The following CHIA variants were observed in gnomAD, a reference collection of about 807,000 sequenced individuals.
CHIA encodes chitinase acidic.
A neutral mutation model predicts 53.5 loss-of-function variants in CHIA; 47 were observed. The observed-to-expected ratio is 0.88, with a 90% CI of 0.70 to 1.12. CHIA has a LOEUF of 1.12. CHIA is among the 50% of genes most tolerant of loss of function. The pLI, the probability that CHIA is intolerant of heterozygous loss-of-function variation, is 0.00. For missense variants in CHIA, 652 were observed against 592.2 expected (o/e 1.10, Z -1.05); for synonymous variants, 268 against 222.2 (o/e 1.21, Z -1.83).
At chr1:111,302,824 G>A (rs1647869009) in intron 1 of CHIA, among the ~76,000 whole-genome samples, 1 of 152,018 alleles carries the variant, frequency 6.6e-6, no homozygotes, top group African/African-American at 2.4e-5. Context: ...TGTGGTTGTT[G>A]TATTCATTAC....
At chr1:111,315,475 A>G (rs1398310515) in intron 6 of CHIA, 40 bp downstream of exon 6, 1 of 1,588,980 alleles carries the variant, frequency 6.3e-7, no homozygotes, top group South Asian at 1.1e-5. Flanking sequence ...AAAAAGATTC[A>G]AAGTCTTTCT....
Position 111,317,991 on chromosome 1 carries a change from T to C in CHIA, c.611T>C (p.Leu204Pro). The change falls in exon 8 of 12, where the codon CTG (leucine) becomes CCG (proline). Residue 204 changes from leucine (L) to proline (P), a missense_variant. Physicochemically the swap from Leu to Pro is moderately conservative, Grantham distance 98 (BLOSUM62 -3). Transcript: ENST00000369740. ...GYEIPQLSQY[L>P]DYIHVMTYDL... The stretch of plus-strand genomic sequence containing the variant: ...AATCCTCCACCCCACCTCAGGTACC[T>C]GGACTACATCCATGTCATGACCTAC... 4 of 1,614,194 alleles carry C rather than the reference T, an allele frequency of 2.5e-6. No individual in the cohort carries two copies. The highest frequency in any genetic ancestry group is 3.4e-6 in the Non-Finnish European group (4 of 1,180,024).
intron 6 of CHIA, 41 bp from the exon 7 acceptor site, chr1:111,317,640 T>C (rs774415579): frequency 6.0e-5 from 96 of 1,610,586 alleles, no homozygotes; most frequent in Admixed American, 2.8e-4. Flanking sequence ...GGAGCTAAAA[T>C]CAGCATCATA....
chr1:111,307,223 T>C (rs1027687643), intron 1 of CHIA, among the ~76,000 whole-genome samples: 1 of 152,014 alleles, frequency 6.6e-6, no homozygotes, highest in African/African-American at 2.4e-5. Flanking sequence ...ATAAAAAGGA[T>C]AAGTAAATCA....
chr1:111,316,397 A>C (rs1352383930), intron 6 of CHIA: 1 of 153,122 alleles, frequency 6.5e-6, no homozygotes, highest in African/African-American at 2.4e-5. Flanking sequence ...TAAATCAAGC[A>C]AGAAATGATC....
In CHIA at chr1:111,315,426, C is replaced by T. The variant is rs956325913; in HGVS notation, c.471C>T (p.Val157=). ...CTCAGGACAAGCATCTCTTCACTGTCCTGGTGCAGGTGGGGAAGGAAGTCC... is the reference window on the plus strand; with the variant it reads ...CTCAGGACAAGCATCTCTTCACTGTTCTGGTGCAGGTGGGGAAGGAAGTCC... ...SPPQDKHLFT[V]LVQEMREAFE... The change falls in exon 6 of 12, where the codon GTC becomes GTT. Residue 157 remains valine, a synonymous_variant. Coordinates refer to ENST00000369740, the MANE Select transcript of CHIA (RefSeq NM_201653.4). 1 of 1,612,762 alleles carries T rather than the reference C, an allele frequency of 6.2e-7. No homozygotes were observed. The highest frequency in any genetic ancestry group is 2.2e-5 in the East Asian group (1 of 44,876).
intron 1 of CHIA, 123 bp downstream of exon 1, chr1:111,291,073 C>T (rs1660985938): frequency 6.8e-6 from 2 of 294,138 alleles, no homozygotes; most frequent in Middle Eastern, 1.2e-3. Flanking sequence ...ATCTGCATTG[C>T]CATTTATGTG....
chr1:111,301,426 G>A (rs1187160068), intron 1 of CHIA, among the ~76,000 whole-genome samples: 3 of 151,958 alleles, frequency 2.0e-5, no homozygotes, highest in South Asian at 2.1e-4. Flanking sequence ...TGGGCCGGGT[G>A]CGGTGGCTCA....
At chr1:111,295,634 CATTGGG>C (rs1184952446) in intron 1 of CHIA, among the ~76,000 whole-genome samples, 9 of 93,450 alleles carry the variant, frequency 9.6e-5, no homozygotes, top group Non-Finnish European at 1.3e-4. Context: ...GGGTTCATCT[CATTGGG>C]ACTGGTTAGA....
At chr1:111,300,680 T>C (rs1385834511) in intron 1 of CHIA, among the ~76,000 whole-genome samples, 1 of 152,138 alleles carries the variant, frequency 6.6e-6, no homozygotes, top group African/African-American at 2.4e-5. Flanking sequence ...GGGCAAGGAC[T>C]TCATGACTAA....
At position 111,310,433 on chromosome 1, in the gene CHIA, T is replaced by C. The variant is rs752635378; in HGVS notation, c.-35T>C. On this transcript the variant is annotated 5_prime_UTR_variant, in exon 2 of 12. Transcript: ENST00000369740. ...GTGATAACCACAGAATCAGAACATA[T>C]AAAAAGCTCTGCGGGACTGGTGCTG... 22 of 1,354,612 alleles carry C rather than the reference T, an allele frequency of 1.6e-5. No individual in the cohort carries two copies. In the Admixed American group the frequency reaches 2.6e-4, roughly 16 times the overall value. The allele number at this position is 1,354,612 out of a possible 1,614,324, so 83.9% of individuals were successfully genotyped here.
At chr1:111,291,918 CA>C (rs1248685352) in intron 1 of CHIA, among the ~76,000 whole-genome samples, 1 of 152,080 alleles carries the variant, frequency 6.6e-6, no homozygotes, top group Non-Finnish European at 1.5e-5. Context: ...ATAGGTGCAG[CA>C]AGCCACCATG....
At chr1:111,293,392 T>C (rs921305834) in intron 1 of CHIA, among the ~76,000 whole-genome samples, 5 of 152,014 alleles carry the variant, frequency 3.3e-5, no homozygotes, top group Admixed American at 1.3e-4. Flanking sequence ...TTTGAAGAAA[T>C]AGATATTCAA....
At chr1:111,320,075 T>C (rs1448468368) in intron 11 of CHIA, 138 bp from the exon 12 acceptor site, 6 of 689,834 alleles carry the variant, frequency 8.7e-6, no homozygotes, top group Admixed American at 2.4e-5. Context: ...GGAGCTACTT[T>C]CTCTTCTCAG....
At chr1:111,319,836 T>C (rs1649512257) in intron 11 of CHIA, among the ~76,000 whole-genome samples, 1 of 152,248 alleles carries the variant, frequency 6.6e-6, no homozygotes, top group Non-Finnish European at 1.5e-5. Context: ...CACATATCTC[T>C]AATCAGTGAT....
intron 1 of CHIA, among the ~76,000 whole-genome samples, chr1:111,294,858 T>C (rs997657690): frequency 7.2e-5 from 11 of 152,232 alleles, no homozygotes; most frequent in Admixed American, 1.3e-4. Context: ...ATAAGTTAAA[T>C]CATTTCTTGC....
In CHIA at chr1:111,312,294, C is replaced by T; in HGVS notation, c.160C>T (p.Leu54=). The change falls in exon 4 of 12, where the codon CTG becomes TTG. Residue 54 remains leucine, a synonymous_variant. Coordinates refer to ENST00000369740, the MANE Select transcript of CHIA (RefSeq NM_201653.4). ...CATCGACCCCTGCCTCTGTACCCAC[C>T]TGATCTACGCCTTTGCTGGGAGGCA... ...DNIDPCLCTH[L]IYAFAGRQNN... The T allele has an allele frequency of 6.2e-7, 1 of 1,614,044 alleles. No homozygotes were observed. The highest frequency in any genetic ancestry group is 8.5e-7 in the Non-Finnish European group (1 of 1,179,966).
intron 1 of CHIA, among the ~76,000 whole-genome samples, chr1:111,308,984 A>T (rs1177953343): frequency 1.3e-5 from 2 of 152,198 alleles, no homozygotes; most frequent in Non-Finnish European, 2.9e-5. Context: ...TTATTTTCAC[A>T]ATTGAAATGT....
chr1:111,307,314 A>G (rs376301391), intron 1 of CHIA, among the ~76,000 whole-genome samples: 2 of 152,244 alleles, frequency 1.3e-5, no homozygotes, highest in South Asian at 4.1e-4. Flanking sequence ...GATAAATCTC[A>G]AAAACAATGC....
Sources: allele counts gnomAD v4.1 joint callset (sites outside exome capture counted in the v4.1 genomes callset), GRCh38; gene constraint gnomAD v4.1.1; transcripts MANE v1.5; gene names NCBI Gene and HGNC (gene_info 2026-07-23, HGNC 2026-07-21).